The following NPY2R variants were observed in gnomAD, a reference collection of about 807,000 sequenced individuals.
NPY2R encodes neuropeptide Y receptor type 2.
NPY2R carries 17 observed loss-of-function variants against 22.3 expected under a neutral mutation model. That is an observed-to-expected ratio of 0.76 (90% CI 0.52 to 1.14). The LOEUF is 1.14. NPY2R is among the 50% of genes most tolerant of loss of function. NPY2R has a pLI of 0.00. For synonymous variants in NPY2R, 209 were observed against 183.4 expected (o/e 1.14, Z -1.13); for missense variants, 424 against 467.9 (o/e 0.91, Z 0.87).
At chr4:155,198,307 T>C in the NPY2R span, among the ~76,000 whole-genome samples, 1 of 151,846 alleles carries the variant, frequency 6.6e-6, no homozygotes, top group East Asian at 1.9e-4. Flanking sequence ...TTCATAGTTA[T>C]ATGCCTGATG....
chr4:155,176,585 A>C, the NPY2R span, among the ~76,000 whole-genome samples: 1 of 152,178 alleles, frequency 6.6e-6, no homozygotes, highest in Admixed American at 6.5e-5. Context: ...CCACCATATT[A>C]GGATACATAA....
chr4:155,201,452 T>G, the NPY2R span, among the ~76,000 whole-genome samples: 1 of 152,168 alleles, frequency 6.6e-6, no homozygotes, highest in Non-Finnish European at 1.5e-5. Context: ...GTGAGTCAAG[T>G]TACCATCATT....
upstream of NPY2R, chr4:155,208,241 C>T (rs904194288): frequency 3.9e-5 from 6 of 152,350 alleles, no homozygotes; most frequent in South Asian, 4.1e-4. The surrounding 1 kb of genome is among the most constrained non-coding windows in gnomAD (Gnocchi z 5.6). Context: ...CCCTACGAGG[C>T]GCGGGGATTC....
At chr4:155,182,927 G>A in the NPY2R span, among the ~76,000 whole-genome samples, 5 of 151,996 alleles carry the variant, frequency 3.3e-5, no homozygotes, top group African/African-American at 4.8e-5. Flanking sequence ...CGAGTAGCTG[G>A]GATTACAGGC....
At chr4:155,179,399 G>A in the NPY2R span, among the ~76,000 whole-genome samples, 1 of 152,156 alleles carries the variant, frequency 6.6e-6, no homozygotes. Flanking sequence ...TTGGCAAGCT[G>A]TCAAGTTACT....
At chr4:155,202,623 T>A in the NPY2R span, among the ~76,000 whole-genome samples, 1 of 152,174 alleles carries the variant, frequency 6.6e-6, no homozygotes, top group South Asian at 2.1e-4. Context: ...ATTTTTATTT[T>A]GAATAAAACA....
At chr4:155,193,606 A>G in the NPY2R span, among the ~76,000 whole-genome samples, 1 of 151,958 alleles carries the variant, frequency 6.6e-6, no homozygotes, top group South Asian at 2.1e-4. Context: ...CTTGTTCAGT[A>G]TTCTCTCTAA....
At chr4:155,190,231 G>GA in the NPY2R span, among the ~76,000 whole-genome samples, 3 of 151,958 alleles carry the variant, frequency 2.0e-5, no homozygotes, top group Non-Finnish European at 2.9e-5. Flanking sequence ...TAACTGCTAG[G>GA]AAAAATGCTA....
the NPY2R span, among the ~76,000 whole-genome samples, chr4:155,201,157 T>A: frequency 4.6e-5 from 7 of 152,158 alleles, no homozygotes. Context: ...CATTTTCTCA[T>A]TCACAGGTAG....
At chr4:155,185,199 G>A in the NPY2R span, among the ~76,000 whole-genome samples, 17 of 151,770 alleles carry the variant, frequency 1.1e-4, no homozygotes, top group African/African-American at 4.1e-4. Flanking sequence ...GCCACCACGC[G>A]TGGCTAAGTT....
rs34528108 is a variant in NPY2R, at chr4:155,213,878, T to G, written c.-48-14T>G. 4 of 1,367,534 alleles carry G rather than the reference T, an allele frequency of 2.9e-6. No individual in the cohort carries two copies. The African/African-American group carries it at 5.7e-5, about 20-fold the overall frequency. The allele number at this position is 1,367,534 out of a possible 1,614,324, so 84.7% of individuals were successfully genotyped here. On this transcript the variant is annotated splice_polypyrimidine_tract_variant and intron_variant, in intron 1 of 1. Transcript: ENST00000329476. ...GTTGTTGTTGTTTTGTTTTATTTTG[T>G]TTTTTCTTTTTAGGTTGTAGACTCT...
the NPY2R span, among the ~76,000 whole-genome samples, chr4:155,174,691 A>G: frequency 1.3e-5 from 2 of 151,812 alleles, no homozygotes; most frequent in Admixed American, 6.6e-5. Flanking sequence ...ACTCTGAGAC[A>G]CAGCCATGAT....
chr4:155,182,151 G>A, the NPY2R span, among the ~76,000 whole-genome samples: 1 of 152,104 alleles, frequency 6.6e-6, no homozygotes, highest in East Asian at 1.9e-4. Flanking sequence ...TATTATCTAA[G>A]TTAAATTATA....
In NPY2R at chr4:155,215,352, G is replaced by C; in HGVS notation, c.*267G>C. ...AGTAAAAGCAGAGAGAAGTACTTTT[G>C]ATTATTTTCCTGGAGTGAAGAAAAC... On this transcript the variant is annotated 3_prime_UTR_variant, in exon 2 of 2. Transcript: ENST00000329476. 1.9e-6 allele frequency: 1 copy of C among 536,698 alleles called. No homozygotes were observed. Among genetic ancestry groups the C allele is most frequent in the Non-Finnish European group, 3.5e-6 (1 of 288,772 alleles). 33.2% of individuals were successfully genotyped at this position (536,698 alleles called of 1,614,324 possible).
the NPY2R span, among the ~76,000 whole-genome samples, chr4:155,183,259 C>T: frequency 2.5e-4 from 38 of 152,264 alleles, no homozygotes; most frequent in Non-Finnish European, 3.4e-4. Flanking sequence ...TCTCTCTGTG[C>T]GGTGCCTACT....
the NPY2R span, among the ~76,000 whole-genome samples, chr4:155,201,638 T>G: frequency 1.3e-5 from 2 of 152,132 alleles, no homozygotes; most frequent in Non-Finnish European, 2.9e-5. Context: ...TAATGTCACG[T>G]TGGAGCATCA....
At chr4:155,189,190 C>T in the NPY2R span, among the ~76,000 whole-genome samples, 1 of 152,094 alleles carries the variant, frequency 6.6e-6, no homozygotes, top group Admixed American at 6.6e-5. Context: ...TGCTTTAAAC[C>T]TCTCAATGAC....
Position 155,215,076 on chromosome 4 carries a change from C to A in NPY2R, c.1137C>A (p.Thr379=), listed in dbSNP as rs78958722. The part of the protein sequence containing the change: ...SGPNDSFTEA[T]NV ...CCAATGACTCTTTCACAGAGGCTAC[C>A]AATGTCTAAGGAAGCTGTGGTGTGA... The change falls in exon 2 of 2, where the codon ACC becomes ACA. Residue 379 remains threonine, a synonymous_variant. Transcript: ENST00000329476. The A allele has an allele frequency of 1.3e-4, 212 of 1,612,610 alleles. No homozygotes were observed. The African/African-American group carries it at 2.5e-3, about 19-fold the overall frequency.
the NPY2R span, among the ~76,000 whole-genome samples, chr4:155,196,882 A>G: frequency 5.7e-4 from 86 of 152,096 alleles, no homozygotes; most frequent in African/African-American, 2.0e-3. Context: ...GTTTGAGGGA[A>G]AGAATTGTGT....
Sources: gnomAD v4.1 joint callset for allele counts (sites outside exome capture counted in the v4.1 genomes callset) on GRCh38, gnomAD v4.1.1 for gene constraint, Gnocchi (gnomAD v3.1) non-coding constraint, MANE v1.5 for transcripts, NCBI Gene and HGNC (gene_info 2026-07-23, HGNC 2026-07-21) for gene names.